Variants in TRMT9B observed in about 807,000 individuals in gnomAD.
TRMT9B encodes tRNA methyltransferase 9B (putative), also known as probable tRNA methyltransferase 9B.
Under a neutral mutation model 11.5 loss-of-function variants are expected in TRMT9B, and 16 were observed. The ratio of observed to expected loss-of-function variants is 1.39; its 90% confidence interval spans 0.94 to 2.11. The LOEUF (loss-of-function observed/expected upper bound fraction) is 2.11. Among genes scored for constraint, TRMT9B ranks in the 30% most tolerant of loss-of-function variants. The pLI, the probability that TRMT9B is intolerant of heterozygous loss-of-function variation, is 0.00. For missense variants in TRMT9B, 941 were observed against 553.8 expected, an observed-to-expected ratio of 1.70 and a Z score of -7.02; for synonymous variants, 274 against 192.4, an observed-to-expected ratio of 1.42 and a Z score of -3.51.
At chr8:12,949,153 T>C (rs757130700) in intron 1 of TRMT9B, among the ~76,000 whole-genome samples, 4 of 152,180 alleles carry the variant, frequency 2.6e-5, no homozygotes, top group Admixed American at 6.5e-5. Flanking sequence ...TTCTTTTTCT[T>C]TTCTTTCTTT....
At chr8:12,973,142 G>A (rs561228292) in intron 1 of TRMT9B, among the ~76,000 whole-genome samples, 4 of 152,300 alleles carry the variant, frequency 2.6e-5, no homozygotes, top group Non-Finnish European at 5.9e-5. Context: ...GGGTTTATCC[G>A]TGTTTGTGGC....
Position 12,990,976 on chromosome 8 carries a change from C to T in TRMT9B, c.-57C>T. 1.6e-6 allele frequency: 2 copies of T among 1,286,792 alleles called. No homozygotes were observed. Among genetic ancestry groups the T allele is most frequent in the Non-Finnish European group, 2.0e-6 (2 of 987,168 alleles). 79.7% of individuals were successfully genotyped at this position (1,286,792 alleles called of 1,614,324 possible). On this transcript the variant is annotated 5_prime_UTR_variant, in exon 2 of 5. Transcript: ENST00000524591. The stretch of plus-strand genomic sequence containing the variant: ...AACTGTCACTCTCTGGAGGTGGAGA[C>T]TGCCGTGATTCACAAAGACAAGAGG...
intron 1 of TRMT9B, among the ~76,000 whole-genome samples, chr8:12,965,664 G>C (rs1802714375): frequency 6.6e-6 from 1 of 151,760 alleles, no homozygotes; most frequent in Non-Finnish European, 1.5e-5. Flanking sequence ...AAATTAGAAA[G>C]TGGAGGAGCT....
At chr8:13,012,987 A>T (rs1015281007) in intron 4 of TRMT9B, 130 bp downstream of exon 4, 4 of 1,222,448 alleles carry the variant, frequency 3.3e-6, no homozygotes, top group Non-Finnish European at 4.3e-6. Flanking sequence ...ATTTAAAAAA[A>T]TTGTTTCAAC....
At chr8:12,987,946 A>G (rs1270025339) in intron 1 of TRMT9B, among the ~76,000 whole-genome samples, 1 of 152,150 alleles carries the variant, frequency 6.6e-6, no homozygotes, top group African/African-American at 2.4e-5. Flanking sequence ...AAAAGATCAC[A>G]ATTCAAAATT....
At chr8:13,000,568 A>C (rs1463646858) in intron 2 of TRMT9B, among the ~76,000 whole-genome samples, 3 of 152,210 alleles carry the variant, frequency 2.0e-5, no homozygotes. Context: ...CAGCAAAGTT[A>C]GTTGTATCTT....
At chr8:12,950,964 C>A (rs1284383914) in intron 1 of TRMT9B, among the ~76,000 whole-genome samples, 1 of 152,130 alleles carries the variant, frequency 6.6e-6, no homozygotes, top group Non-Finnish European at 1.5e-5. Context: ...CATTTTTCGT[C>A]ACTAAGAACG....
At chr8:13,015,624 G>A (rs1217061540) in intron 4 of TRMT9B, among the ~76,000 whole-genome samples, 4 of 152,160 alleles carry the variant, frequency 2.6e-5, no homozygotes, top group African/African-American at 4.8e-5. Context: ...AAAGTGTTGT[G>A]ATTACAGGCA....
intron 1 of TRMT9B, among the ~76,000 whole-genome samples, chr8:12,980,873 A>G (rs527324605): frequency 2.2e-4 from 34 of 152,348 alleles, no homozygotes; most frequent in African/African-American, 7.9e-4. Context: ...GAGCAGTGGC[A>G]CTAGATAAGG....
chr8:12,993,982 C>A (rs1032296465), intron 2 of TRMT9B, among the ~76,000 whole-genome samples: 3 of 152,136 alleles, frequency 2.0e-5, no homozygotes, highest in Non-Finnish European at 4.4e-5. Context: ...TTCTTCAGGG[C>A]TGAGCCATCA....
At chr8:12,960,724 T>C (rs1001794447) in intron 1 of TRMT9B, among the ~76,000 whole-genome samples, 1 of 152,208 alleles carries the variant, frequency 6.6e-6, no homozygotes, top group Non-Finnish European at 1.5e-5. Flanking sequence ...GCCTAAATGC[T>C]GTGTGATTCC....
chr8:13,011,968 G>C (rs1027658218), intron 3 of TRMT9B: 5 of 985,208 alleles, frequency 5.1e-6, no homozygotes, highest in African/African-American at 1.7e-5. Context: ...AGAATCTTTG[G>C]AGAGACAACA....
At chr8:13,016,242 T>TG (rs1812668041) in intron 4 of TRMT9B, among the ~76,000 whole-genome samples, 2 of 144,864 alleles carry the variant, frequency 1.4e-5, no homozygotes, top group African/African-American at 5.1e-5. Context: ...ATATTATATA[T>TG]AAAATATAAA....
chr8:12,988,895 T>C (rs1806811895), intron 1 of TRMT9B, among the ~76,000 whole-genome samples: 1 of 146,722 alleles, frequency 6.8e-6, no homozygotes, highest in Non-Finnish European at 1.5e-5. Flanking sequence ...GATGTATCCA[T>C]CCCAGAAGTA....
intron 1 of TRMT9B, among the ~76,000 whole-genome samples, chr8:12,947,357 T>A (rs953812707): frequency 6.6e-6 from 1 of 152,220 alleles, no homozygotes; most frequent in African/African-American, 2.4e-5. Context: ...GTTATCATGC[T>A]AAACTAGCTA....
chr8:13,028,657 C>T lies in TRMT9B; in HGVS notation c.*6613C>T, dbSNP rs902306828. On this transcript the variant is annotated 3_prime_UTR_variant, in exon 5 of 5. Coordinates refer to ENST00000524591, the MANE Select transcript of TRMT9B (RefSeq NM_020844.3). ...GTAGTGCAGTCTCAGCTCATTGCAA[C>T]CTCTGCCTCCCAGGTTTAAGCAATT... is the stretch of plus-strand genomic sequence containing the variant. 1.3e-5 allele frequency: 2 copies of T among 148,372 alleles called. No individual in the cohort carries two copies. The highest frequency in any genetic ancestry group is 7.0e-5 in the Admixed American group (1 of 14,248). 9.2% of individuals were successfully genotyped at this position (148,372 alleles called of 1,614,324 possible).
At chr8:12,961,090 G>A (rs961959081) in intron 1 of TRMT9B, among the ~76,000 whole-genome samples, 5 of 152,064 alleles carry the variant, frequency 3.3e-5, no homozygotes, top group African/African-American at 4.8e-5. Flanking sequence ...GCAGTGAGCC[G>A]AGATTGCACC....
At chr8:13,003,061 C>T (rs2128887807) in intron 2 of TRMT9B, among the ~76,000 whole-genome samples, 1 of 152,234 alleles carries the variant, frequency 6.6e-6, no homozygotes, top group East Asian at 1.9e-4. Flanking sequence ...TCTGCTGTGT[C>T]CTAAGTGCTG....
At chr8:12,998,903 C>T (rs1411842684) in intron 2 of TRMT9B, among the ~76,000 whole-genome samples, 2 of 152,216 alleles carry the variant, frequency 1.3e-5, no homozygotes, top group African/African-American at 4.8e-5. Context: ...TTTGTCAACA[C>T]ATCAAATACT....
Sources: allele counts gnomAD v4.1 joint callset (sites outside exome capture counted in the v4.1 genomes callset), GRCh38; gene constraint gnomAD v4.1.1; transcripts MANE v1.5; gene names NCBI Gene and HGNC (gene_info 2026-07-23, HGNC 2026-07-21).